The following PLCL1 variants were observed in gnomAD, a reference collection of about 807,000 sequenced individuals.
The protein encoded by PLCL1 is inactive phospholipase C-like protein 1.
A neutral mutation model predicts 84.4 loss-of-function variants in PLCL1; 41 were observed. The observed-to-expected ratio is 0.49, with a 90% CI of 0.38 to 0.63. The LOEUF (loss-of-function observed/expected upper bound fraction) is 0.63. Among genes scored for constraint, PLCL1 ranks in the 30% least tolerant of loss-of-function variants. PLCL1 has a pLI of 0.00. For missense variants in PLCL1, 1,206 were observed against 1,367.8 expected, an observed-to-expected ratio of 0.88 and a Z score of 1.87; for synonymous variants, 490 against 488.3, an observed-to-expected ratio of 1.00 and a Z score of -0.05.
chr2:197,931,315 C>T (rs1270419776), intron 1 of PLCL1, among the ~76,000 whole-genome samples: 2 of 152,102 alleles, frequency 1.3e-5, no homozygotes, highest in Non-Finnish European at 2.9e-5. Flanking sequence ...GGAATAGTTG[C>T]TATCATTTAT....
Position 197,877,458 on chromosome 2 carries a change from T to A in PLCL1, c.240+72119T>A, listed in dbSNP as rs940075619. ...TAGTATAGGATAGTTGTGGGAAATA[T>A]CTCCTGGAAGTGATACTCTCATAGT... On this transcript the variant is annotated intron_variant, in intron 1 of 5. Coordinates refer to ENST00000428675, the MANE Select transcript of PLCL1 (RefSeq NM_006226.4). 1.3e-5 allele frequency among the ~76,000 whole-genome samples: 2 copies of A among 152,206 alleles called. 1 individual carries two copies. Among genetic ancestry groups the A allele is most frequent in the South Asian group, 4.2e-4 (2 of 4,818 alleles).
At chr2:198,076,781 G>C (rs551937920) in intron 1 of PLCL1, among the ~76,000 whole-genome samples, 12 of 152,256 alleles carry the variant, frequency 7.9e-5, no homozygotes, top group African/African-American at 2.9e-4. Context: ...TGAAATTAAT[G>C]GTATAATTCT....
chr2:197,878,271 T>G (rs1027122835), intron 1 of PLCL1, among the ~76,000 whole-genome samples: 1 of 152,126 alleles, frequency 6.6e-6, no homozygotes, highest in East Asian at 1.9e-4. Flanking sequence ...ATTCTGTTTA[T>G]TTTTCTTTAG....
intron 1 of PLCL1, among the ~76,000 whole-genome samples, chr2:198,014,003 G>A (rs1443977929): frequency 6.6e-6 from 1 of 152,012 alleles, no homozygotes; most frequent in Non-Finnish European, 1.5e-5. Flanking sequence ...TTCTTGGCCT[G>A]TTTCAACCTG....
intron 5 of PLCL1, among the ~76,000 whole-genome samples, chr2:198,134,061 G>A (rs781446671): frequency 3.3e-5 from 5 of 152,198 alleles, no homozygotes; most frequent in Middle Eastern, 3.4e-3. Flanking sequence ...AAGCCAACAC[G>A]ACACAATCTG....
intron 1 of PLCL1, among the ~76,000 whole-genome samples, chr2:197,958,740 T>A (rs1689542884): frequency 6.6e-6 from 1 of 152,016 alleles, no homozygotes; most frequent in Non-Finnish European, 1.5e-5. Context: ...ATTTACACCC[T>A]TACCTCATTC....
chr2:197,816,719 A>C (rs1690697635), intron 1 of PLCL1, among the ~76,000 whole-genome samples: 1 of 152,198 alleles, frequency 6.6e-6, no homozygotes, highest in South Asian at 2.1e-4. Flanking sequence ...TTTCCAGTCC[A>C]AGGAAGTTGT....
At chr2:198,020,960 A>G (rs1691119439) in intron 1 of PLCL1, among the ~76,000 whole-genome samples, 1 of 152,204 alleles carries the variant, frequency 6.6e-6, no homozygotes, top group Non-Finnish European at 1.5e-5. Flanking sequence ...TCTCAGCACC[A>G]CATAGCACTT....
chr2:197,929,597 A>G (rs1688896016), intron 1 of PLCL1, among the ~76,000 whole-genome samples: 2 of 152,186 alleles, frequency 1.3e-5, no homozygotes, highest in Admixed American at 6.6e-5. Context: ...TAGAAGGGAT[A>G]TGAGTGATTA....
chr2:198,106,046 G>A (rs1178075246), intron 5 of PLCL1, among the ~76,000 whole-genome samples: 1 of 151,884 alleles, frequency 6.6e-6, no homozygotes, highest in Non-Finnish European at 1.5e-5. Context: ...GCTAGGTACT[G>A]TTTTATGAGG....
intron 1 of PLCL1, among the ~76,000 whole-genome samples, chr2:198,002,726 G>A (rs1385870762): frequency 2.0e-5 from 3 of 152,292 alleles, no homozygotes; most frequent in Non-Finnish European, 4.4e-5. Flanking sequence ...GCCAGGCTGT[G>A]GGATCTTGAG....
intron 1 of PLCL1, among the ~76,000 whole-genome samples, chr2:197,899,129 C>G (rs146263877): frequency 6.6e-6 from 1 of 152,164 alleles, no homozygotes; most frequent in Non-Finnish European, 1.5e-5. Context: ...ATTCTCTGCT[C>G]TCATGGAATT....
intron 1 of PLCL1, among the ~76,000 whole-genome samples, chr2:197,872,572 G>A (rs1687666720): frequency 6.6e-6 from 1 of 152,118 alleles, no homozygotes. Context: ...TCATAGGCAA[G>A]TTATTGAACT....
chr2:198,091,570 C>T (rs948393489), intron 3 of PLCL1, among the ~76,000 whole-genome samples: 8 of 151,910 alleles, frequency 5.3e-5, no homozygotes, highest in Non-Finnish European at 1.0e-4. Flanking sequence ...ATCCCAGCTA[C>T]TTGGGAGGCT....
intron 1 of PLCL1, among the ~76,000 whole-genome samples, chr2:197,848,148 C>T (rs755300527): frequency 3.3e-5 from 5 of 152,148 alleles, no homozygotes; most frequent in Non-Finnish European, 7.4e-5. Context: ...TAGGTAGGCT[C>T]ATTGTAAACA....
intron 1 of PLCL1, among the ~76,000 whole-genome samples, chr2:197,816,593 C>T (rs996188292): frequency 1.3e-5 from 2 of 151,910 alleles, no homozygotes; most frequent in African/African-American, 4.8e-5. Context: ...ATTATATAGG[C>T]TAAGGATGGA....
At chr2:198,087,728 A>G (rs1034331944) in intron 2 of PLCL1, among the ~76,000 whole-genome samples, 2 of 152,184 alleles carry the variant, frequency 1.3e-5, no homozygotes, top group Admixed American at 6.5e-5. Context: ...GAGGTGATGC[A>G]TACCCCATTC....
intron 1 of PLCL1, among the ~76,000 whole-genome samples, chr2:197,958,971 C>T (rs1426711052): frequency 6.6e-6 from 1 of 151,932 alleles, no homozygotes; most frequent in Non-Finnish European, 1.5e-5. Context: ...TAAGGATCAT[C>T]TTGGGGAGCT....
At chr2:197,969,901 A>G (rs950357635) in intron 1 of PLCL1, among the ~76,000 whole-genome samples, 1 of 152,200 alleles carries the variant, frequency 6.6e-6, no homozygotes, top group Non-Finnish European at 1.5e-5. Flanking sequence ...TGCAAAGTGC[A>G]TGTAGTTTAA....
Sources: allele counts gnomAD v4.1 joint callset (sites outside exome capture counted in the v4.1 genomes callset), GRCh38; gene constraint gnomAD v4.1.1; transcripts MANE v1.5; gene names NCBI Gene and HGNC (gene_info 2026-07-23, HGNC 2026-07-21).